CNTN5: variants seen among roughly 807,000 people sequenced by gnomAD.
CNTN5 encodes the protein contactin-5.
In CNTN5, 77 loss-of-function variants were observed where a neutral mutation model predicts 129.1. The observed-to-expected ratio is 0.60, with a 90% CI of 0.50 to 0.72. CNTN5 has a LOEUF of 0.72. CNTN5 is among the 30% of genes least tolerant of loss of function. The pLI, the probability that CNTN5 is intolerant of heterozygous loss-of-function variation, is 0.00. For synonymous variants in CNTN5, 509 were observed against 465.6 expected (o/e 1.09, Z -1.20); for missense variants, 1,478 against 1,328.8 (o/e 1.11, Z -1.75).
intron 2 of CNTN5, among the ~76,000 whole-genome samples, chr11:99,349,139 C>T (rs1239936294): frequency 3.9e-5 from 6 of 152,152 alleles, no homozygotes; most frequent in Admixed American, 3.9e-4. Flanking sequence ...GAAACACCAT[C>T]TGAAAAGCTA....
At chr11:100,175,647 G>C (rs17094506) in intron 13 of CNTN5, among the ~76,000 whole-genome samples, 1 of 152,064 alleles carries the variant, frequency 6.6e-6, no homozygotes, top group African/African-American at 2.4e-5. Context: ...ACAAATCAAA[G>C]AGCCTGGTTG....
chr11:99,338,182 T>G (rs778342187), intron 2 of CNTN5, among the ~76,000 whole-genome samples: 1 of 152,206 alleles, frequency 6.6e-6, no homozygotes, highest in African/African-American at 2.4e-5. Context: ...CAATGAAATA[T>G]CTGCTATTTC....
intron 3 of CNTN5, among the ~76,000 whole-genome samples, chr11:99,631,536 A>G (rs1479267054): frequency 6.6e-6 from 1 of 152,118 alleles, no homozygotes; most frequent in African/African-American, 2.4e-5. Context: ...AGTTTATTGT[A>G]TTCTATTTAT....
intron 21 of CNTN5, among the ~76,000 whole-genome samples, chr11:100,332,264 A>G (rs946733227): frequency 6.6e-6 from 1 of 152,142 alleles, no homozygotes; most frequent in African/African-American, 2.4e-5. Context: ...GGAAATATGC[A>G]ACCCTCCTAG....
intron 3 of CNTN5, among the ~76,000 whole-genome samples, chr11:99,744,368 C>T (rs11221191): frequency 6.6e-5 from 10 of 151,780 alleles, no homozygotes; most frequent in Non-Finnish European, 1.3e-4. Flanking sequence ...CAACAAGTCT[C>T]TTAAGGACGT....
At chr11:99,625,124 C>T (rs571840126) in intron 3 of CNTN5, among the ~76,000 whole-genome samples, 4 of 152,246 alleles carry the variant, frequency 2.6e-5, no homozygotes, top group Non-Finnish European at 4.4e-5. Flanking sequence ...TAAAGTCACC[C>T]TGCAGGACAG....
At chr11:100,119,349 G>A (rs1158806934) in intron 13 of CNTN5, among the ~76,000 whole-genome samples, 2 of 151,794 alleles carry the variant, frequency 1.3e-5, no homozygotes, top group East Asian at 3.9e-4. Flanking sequence ...TATGCAAACA[G>A]CTGCATGATT....
At chr11:100,252,982 G>C (rs7113636) in intron 16 of CNTN5, among the ~76,000 whole-genome samples, 4,366 of 152,164 alleles carry the variant, frequency 0.029, 182 homozygotes, top group African/African-American at 0.099. Context: ...TCAGATTTAA[G>C]GAGGTGAAAA....
intron 1 of CNTN5, among the ~76,000 whole-genome samples, chr11:99,048,643 A>T (rs982260539): frequency 2.0e-5 from 3 of 152,252 alleles, no homozygotes; most frequent in African/African-American, 7.2e-5. Flanking sequence ...TGAAACTTTT[A>T]GTTTTTCAAC....
At chr11:100,215,210 C>A (rs1224344426) in intron 15 of CNTN5, among the ~76,000 whole-genome samples, 1 of 152,132 alleles carries the variant, frequency 6.6e-6, no homozygotes, top group Non-Finnish European at 1.5e-5. Flanking sequence ...TTCTTACATT[C>A]CCCAGAATAG....
intron 17 of CNTN5, among the ~76,000 whole-genome samples, chr11:100,268,242 T>A (rs1271036289): frequency 6.6e-6 from 1 of 152,196 alleles, no homozygotes; most frequent in Non-Finnish European, 1.5e-5. Flanking sequence ...GGCATTTGGA[T>A]ATATAAGTAT....
chr11:99,106,616 G>A (rs79418845), intron 1 of CNTN5, among the ~76,000 whole-genome samples: 2,245 of 152,020 alleles, frequency 0.015, 49 homozygotes, highest in African/African-American at 0.05. Context: ...ACATATATGT[G>A]TATATGTCAC....
intron 13 of CNTN5, among the ~76,000 whole-genome samples, chr11:100,128,661 A>G (rs1023193206): frequency 6.6e-6 from 1 of 152,162 alleles, no homozygotes; most frequent in African/African-American, 2.4e-5. Flanking sequence ...TTCTTGGCTC[A>G]GAAAATAAAA....
chr11:99,916,114 T>G lies in CNTN5; in HGVS notation c.638T>G (p.Val213Gly), dbSNP rs1949783418. 1 of 1,612,414 alleles carries G rather than the reference T, an allele frequency of 6.2e-7. No individual in the cohort carries two copies. Among genetic ancestry groups the G allele is most frequent in the East Asian group, 2.2e-5 (1 of 44,752 alleles). The change falls in exon 7 of 25, where the codon GTC becomes GGC. Residue 213 changes from valine to glycine, a missense_variant. By Grantham distance (109) the Val-to-Gly change is moderately radical. Transcript: ENST00000524871. ...SAVSVREGQG[V>G]VLMCSPPPHS... Reference sequence around the variant, plus strand: ...GTCTCTGTGAGGGAAGGCCAGGGTGTCGTTCTGATGTGCTCTCCTCCGCCA... The same window carrying G: ...GTCTCTGTGAGGGAAGGCCAGGGTGGCGTTCTGATGTGCTCTCCTCCGCCA...
chr11:99,270,555 G>A (rs1003276586), intron 1 of CNTN5, among the ~76,000 whole-genome samples: 1 of 151,656 alleles, frequency 6.6e-6, no homozygotes, highest in African/African-American at 2.4e-5. Context: ...CTTTTTTCTC[G>A]AATGTTTCCT....
intron 2 of CNTN5, among the ~76,000 whole-genome samples, chr11:99,473,491 A>T (rs1945252554): frequency 6.6e-6 from 1 of 152,142 alleles, no homozygotes; most frequent in Non-Finnish European, 1.5e-5. Context: ...TTGCATTTGA[A>T]ATATAGTGTA....
At chr11:99,769,817 A>AT (rs1555105102) in intron 3 of CNTN5, among the ~76,000 whole-genome samples, 3 of 147,996 alleles carry the variant, frequency 2.0e-5, no homozygotes, top group African/African-American at 7.7e-5. Context: ...CCCCGTCTCA[A>AT]AAAAAAAAAA....
intron 3 of CNTN5, among the ~76,000 whole-genome samples, chr11:99,724,521 T>G (rs79090531): frequency 8.5e-5 from 13 of 152,290 alleles, no homozygotes; most frequent in Non-Finnish European, 1.6e-4. Flanking sequence ...TGTTAATTAA[T>G]TCAATCCTCA....
chr11:99,354,242 C>T (rs1241580463), intron 2 of CNTN5, among the ~76,000 whole-genome samples: 1 of 152,106 alleles, frequency 6.6e-6, no homozygotes, highest in Non-Finnish European at 1.5e-5. Context: ...ATAAGCATGA[C>T]CAGATAAATC....
Sources: allele counts gnomAD v4.1 joint callset (sites outside exome capture counted in the v4.1 genomes callset), GRCh38; gene constraint gnomAD v4.1.1; transcripts MANE v1.5; gene names NCBI Gene and HGNC (gene_info 2026-07-23, HGNC 2026-07-21).